The following RSRC1 variants were observed in gnomAD, a reference collection of about 807,000 sequenced individuals.
RSRC1 encodes serine/Arginine-related protein 53.
In RSRC1, 39 loss-of-function variants were observed where a neutral mutation model predicts 49.1. The ratio of observed to expected loss-of-function variants is 0.79; its 90% CI spans 0.61 to 1.04. RSRC1 has a LOEUF of 1.04. RSRC1 is among the 50% of genes least tolerant of loss of function. RSRC1 has a pLI of 0.00. For synonymous variants in RSRC1, 143 were observed against 130.8 expected (o/e 1.09, Z -0.63); for missense variants, 388 against 402.4 (o/e 0.96, Z 0.31).
intron 6 of RSRC1, among the ~76,000 whole-genome samples, chr3:158,365,668 T>C (rs577597072): frequency 4.6e-4 from 70 of 152,312 alleles, no homozygotes; most frequent in African/African-American, 1.6e-3. Flanking sequence ...TACCCAGTAA[T>C]GGGATTGCTG....
chr3:158,482,665 C>T (rs1012471629), intron 7 of RSRC1, among the ~76,000 whole-genome samples: 5 of 151,954 alleles, frequency 3.3e-5, no homozygotes, highest in Admixed American at 6.6e-5. Context: ...ATAGAAATCA[C>T]GTCATCCTCA....
chr3:158,207,666 C>CAG (rs766633295), intron 4 of RSRC1, among the ~76,000 whole-genome samples: 1 of 31,040 alleles, frequency 3.2e-5, no homozygotes, highest in African/African-American at 1.1e-4. Context: ...GATAGATAGA[C>CAG]AGAGAGACAG....
intron 6 of RSRC1, among the ~76,000 whole-genome samples, chr3:158,426,196 A>G (rs1003995007): frequency 6.6e-6 from 1 of 151,786 alleles, no homozygotes; most frequent in Admixed American, 6.6e-5. Context: ...AAGACAAAGT[A>G]TTTAAAAATA....
intron 4 of RSRC1, among the ~76,000 whole-genome samples, chr3:158,249,272 C>T (rs977038958): frequency 5.9e-5 from 9 of 152,150 alleles, no homozygotes; most frequent in Non-Finnish European, 7.3e-5. Context: ...GTAATCACCC[C>T]CTACCTCGCA....
chr3:158,129,803 A>G (rs1403023848), intron 3 of RSRC1, among the ~76,000 whole-genome samples: 1 of 152,188 alleles, frequency 6.6e-6, no homozygotes, highest in Non-Finnish European at 1.5e-5. Flanking sequence ...TTTAGAATCA[A>G]CTTGACAATT....
At chr3:158,170,877 CCT>C (rs763226181) in intron 3 of RSRC1, among the ~76,000 whole-genome samples, 8 of 152,044 alleles carry the variant, frequency 5.3e-5, no homozygotes, top group African/African-American at 1.4e-4. Context: ...ATTCATTTTT[CCT>C]CTCTCTTTTC....
At chr3:158,440,929 C>T (rs1313427634) in intron 6 of RSRC1, among the ~76,000 whole-genome samples, 2 of 151,650 alleles carry the variant, frequency 1.3e-5, no homozygotes, top group African/African-American at 4.8e-5. Context: ...GCAACATGAG[C>T]AAAACTCCAT....
intron 7 of RSRC1, among the ~76,000 whole-genome samples, chr3:158,504,055 GCTT>G (rs1739736073): frequency 1.3e-5 from 2 of 152,296 alleles, no homozygotes; most frequent in Non-Finnish European, 2.9e-5. Flanking sequence ...CCTTTCTGCT[GCTT>G]CTTCTACCCC....
chr3:158,500,866 G>C (rs924788863), intron 7 of RSRC1, among the ~76,000 whole-genome samples: 1 of 151,660 alleles, frequency 6.6e-6, no homozygotes, highest in Non-Finnish European at 1.5e-5. Context: ...ATTTAGTTCT[G>C]CTCTGATCTT....
At chr3:158,510,768 AATTG>A (rs1424382817) in intron 7 of RSRC1, among the ~76,000 whole-genome samples, 12 of 152,138 alleles carry the variant, frequency 7.9e-5, no homozygotes, top group Admixed American at 7.2e-4. Flanking sequence ...ACTGTATTGG[AATTG>A]ATTATTAAGT....
At chr3:158,500,590 AG>A (rs1379843551) in intron 7 of RSRC1, among the ~76,000 whole-genome samples, 1 of 151,866 alleles carries the variant, frequency 6.6e-6, no homozygotes, top group Non-Finnish European at 1.5e-5. Flanking sequence ...TTAAGCTAGG[AG>A]GGTTGTATTT....
chr3:158,342,724 A>C (rs1040759884), intron 5 of RSRC1, among the ~76,000 whole-genome samples: 1 of 152,228 alleles, frequency 6.6e-6, no homozygotes, highest in Non-Finnish European at 1.5e-5. Flanking sequence ...GTCACGATGG[A>C]ATAACAAGAA....
intron 3 of RSRC1, among the ~76,000 whole-genome samples, chr3:158,163,064 C>T (rs1408219050): frequency 1.3e-5 from 2 of 152,106 alleles, no homozygotes; most frequent in Non-Finnish European, 2.9e-5. Context: ...AGTACAGTGG[C>T]GTGATCTCAG....
chr3:158,518,146 A>ATTT (rs1452015549), intron 7 of RSRC1, among the ~76,000 whole-genome samples: 8 of 69,706 alleles, frequency 1.1e-4, no homozygotes, highest in African/African-American at 3.1e-4. Context: ...ATATATATAT[A>ATTT]TATTTTTTTT....
intron 4 of RSRC1, among the ~76,000 whole-genome samples, chr3:158,247,948 A>G (rs1559960817): frequency 6.6e-6 from 1 of 152,256 alleles, no homozygotes; most frequent in Non-Finnish European, 1.5e-5. Context: ...ACAGACACAT[A>G]GACCAATGGA....
intron 4 of RSRC1, among the ~76,000 whole-genome samples, chr3:158,225,087 T>G (rs1289103368): frequency 6.6e-6 from 1 of 151,860 alleles, no homozygotes; most frequent in East Asian, 1.9e-4. Context: ...ACAATGATAC[T>G]GAGTTTCCTC....
intron 4 of RSRC1, among the ~76,000 whole-genome samples, chr3:158,257,548 C>T (rs897010621): frequency 6.6e-6 from 1 of 151,878 alleles, no homozygotes; most frequent in Non-Finnish European, 1.5e-5. Context: ...ATGTATGTTT[C>T]TTGTAGGCAG....
intron 6 of RSRC1, among the ~76,000 whole-genome samples, chr3:158,416,980 T>C (rs565396620): frequency 1.3e-5 from 2 of 152,200 alleles, no homozygotes; most frequent in South Asian, 4.1e-4. Flanking sequence ...TGAATTCATA[T>C]ATATTTCTTA....
At chr3:158,305,281 A>AT in intron 5 of RSRC1, among the ~76,000 whole-genome samples, 1 of 152,114 alleles carries the variant, frequency 6.6e-6, no homozygotes, top group South Asian at 2.1e-4. Context: ...ATGTCATGCA[A>AT]TTTTCATGAT....
Sources: allele counts gnomAD v4.1 joint callset (sites outside exome capture counted in the v4.1 genomes callset), GRCh38; gene constraint gnomAD v4.1.1; transcripts MANE v1.5; gene names NCBI Gene and HGNC (gene_info 2026-07-23, HGNC 2026-07-21).